IL1RAPL1: variants seen among roughly 807,000 people sequenced by gnomAD.
IL1RAPL1 encodes interleukin 1 receptor accessory protein like 1.
A neutral mutation model predicts 48.4 loss-of-function variants in IL1RAPL1; 3 were observed. The observed-to-expected ratio is 0.06, with a 90% CI of 0.03 to 0.16. The LOEUF is 0.16. Among genes scored for constraint, IL1RAPL1 ranks in the 10% least tolerant of loss-of-function variants. The probability of loss-of-function intolerance (pLI) is 1.00; values close to 1 mark genes in which losing one functional copy is unlikely to be tolerated. For missense variants in IL1RAPL1, 349 were observed against 530.6 expected (o/e 0.66, Z 3.36); for synonymous variants, 185 against 187.7 (o/e 0.99, Z 0.12).
chrX:29,318,875 T>C (rs1932780086), intron 3 of IL1RAPL1, among the ~76,000 whole-genome samples: 1 of 111,925 alleles, frequency 8.9e-6, no homozygotes, highest in African/African-American at 3.2e-5. Context: ...TTAAAAAATA[T>C]TTTCAGGGAA....
At chrX:28,952,291 G>T (rs1924490676) in intron 2 of IL1RAPL1, among the ~76,000 whole-genome samples, 1 of 110,779 alleles carries the variant, frequency 9.0e-6, no homozygotes, top group Admixed American at 9.7e-5. Context: ...TAAAAACAAA[G>T]AATTTAAGGA....
At chrX:29,085,182 A>G (rs1371325011) in intron 2 of IL1RAPL1, among the ~76,000 whole-genome samples, 1 of 111,733 alleles carries the variant, frequency 8.9e-6, no homozygotes, top group Non-Finnish European at 1.9e-5. Flanking sequence ...ATAAAGTATA[A>G]TATTATATTC....
intron 5 of IL1RAPL1, among the ~76,000 whole-genome samples, chrX:29,494,043 C>T (rs1935187425): frequency 9.1e-6 from 1 of 110,349 alleles, no homozygotes; most frequent in Non-Finnish European, 1.9e-5. Flanking sequence ...TACAGGCACG[C>T]ACCATCAGGC....
At chrX:29,783,040 G>T (rs78630332) in intron 6 of IL1RAPL1, among the ~76,000 whole-genome samples, 3 of 105,025 alleles carry the variant, frequency 2.9e-5, no homozygotes, top group Non-Finnish European at 5.9e-5. Context: ...AAGTAGCTGG[G>T]ACTACAGGCG....
intron 2 of IL1RAPL1, among the ~76,000 whole-genome samples, chrX:29,210,865 C>A (rs936464642): frequency 9.8e-5 from 11 of 112,135 alleles, no homozygotes; most frequent in Non-Finnish European, 2.1e-4. Context: ...TGTTTTTCTT[C>A]AGCTCTATAT....
At chrX:28,703,281 C>T (rs992223409) in intron 1 of IL1RAPL1, among the ~76,000 whole-genome samples, 16 of 111,094 alleles carry the variant, frequency 1.4e-4, no homozygotes, top group African/African-American at 4.6e-4. Flanking sequence ...ATTTCTGGAG[C>T]GAATCCATGT....
At chrX:29,493,404 C>T (rs757265846) in intron 5 of IL1RAPL1, among the ~76,000 whole-genome samples, 23 of 112,118 alleles carry the variant, frequency 2.1e-4, no homozygotes, top group South Asian at 3.7e-4. Flanking sequence ...AATGTAAATA[C>T]GATTTATTTA....
At chrX:28,635,457 A>T (rs1203027134) in intron 1 of IL1RAPL1, among the ~76,000 whole-genome samples, 1 of 111,914 alleles carries the variant, frequency 8.9e-6, no homozygotes, top group Non-Finnish European at 1.9e-5. Context: ...GTACCCATAC[A>T]ACCATTCTAT....
chrX:29,547,409 C>A (rs1381826755), intron 5 of IL1RAPL1, among the ~76,000 whole-genome samples: 1 of 110,733 alleles, frequency 9.0e-6, no homozygotes, highest in African/African-American at 3.3e-5. Context: ...ACAATGAGAA[C>A]CTCATTGATG....
intron 6 of IL1RAPL1, among the ~76,000 whole-genome samples, chrX:29,730,400 T>C (rs1318101821): frequency 8.9e-6 from 1 of 112,187 alleles, no homozygotes; most frequent in Non-Finnish European, 1.9e-5. Context: ...ACTAAGCAAC[T>C]TATTTCTATT....
At chrX:28,913,556 T>TA (rs2147333323) in intron 2 of IL1RAPL1, among the ~76,000 whole-genome samples, 1 of 110,846 alleles carries the variant, frequency 9.0e-6, no homozygotes, top group South Asian at 3.8e-4. Flanking sequence ...GAATACAAAA[T>TA]AAAAAATAAT....
chrX:29,692,691 C>T (rs1926805190), intron 6 of IL1RAPL1, among the ~76,000 whole-genome samples: 1 of 111,858 alleles, frequency 8.9e-6, no homozygotes, highest in South Asian at 3.7e-4. Context: ...TTTCTCTCTA[C>T]ATAATCTTTA....
chrX:28,699,681 C>T (rs1461467070), intron 1 of IL1RAPL1, among the ~76,000 whole-genome samples: 1 of 111,561 alleles, frequency 9.0e-6, no homozygotes, highest in Non-Finnish European at 1.9e-5. Flanking sequence ...GAAGCCTCAT[C>T]GTTGGAGAAG....
Position 29,141,745 on chromosome X carries a change from G to A in IL1RAPL1, c.83-141193G>A, listed in dbSNP as rs975545949. Among the ~76,000 whole-genome samples, 11 of 111,736 alleles carry A rather than the reference G, an allele frequency of 9.8e-5. No individual in the cohort carries two copies. In the South Asian group the frequency reaches 2.6e-3, roughly 26 times the overall value. On this transcript the variant is annotated intron_variant, in intron 2 of 10. Coordinates refer to ENST00000378993, the MANE Select transcript of IL1RAPL1 (RefSeq NM_014271.4). The stretch of plus-strand genomic sequence containing the variant: ...TTACTCTAGGGTTCTTTTTGTAAAT[G>A]TTCCATAGTTCTTTAGCAGTGAACT...
intron 2 of IL1RAPL1, among the ~76,000 whole-genome samples, chrX:29,198,874 C>T (rs190048589): frequency 9.0e-6 from 1 of 111,306 alleles, no homozygotes; most frequent in Admixed American, 9.6e-5. Context: ...CTTTAATAAC[C>T]ATTAAAATGG....
chrX:29,659,548 AT>A (rs1029210644), intron 5 of IL1RAPL1, among the ~76,000 whole-genome samples: 2 of 111,817 alleles, frequency 1.8e-5, no homozygotes. Context: ...AACATTTGTT[AT>A]TTTTTGTCTT....
At chrX:29,786,529 A>G (rs184261026) in intron 6 of IL1RAPL1, among the ~76,000 whole-genome samples, 3 of 112,140 alleles carry the variant, frequency 2.7e-5, no homozygotes, top group African/African-American at 9.7e-5. Flanking sequence ...TAACCAAAAT[A>G]AAATGGAAAG....
At chrX:29,073,895 A>C (rs1927617592) in intron 2 of IL1RAPL1, among the ~76,000 whole-genome samples, 1 of 111,781 alleles carries the variant, frequency 8.9e-6, no homozygotes, top group Admixed American at 9.6e-5. Flanking sequence ...CTAAAGCCAC[A>C]AAACTAGTTG....
intron 5 of IL1RAPL1, among the ~76,000 whole-genome samples, chrX:29,610,231 GA>G (rs1924044822): frequency 9.0e-6 from 1 of 111,669 alleles, no homozygotes; most frequent in Non-Finnish European, 1.9e-5. Flanking sequence ...CAATGAGAGA[GA>G]ATAACTTAGA....
Sources: allele counts gnomAD v4.1 joint callset (sites outside exome capture counted in the v4.1 genomes callset), GRCh38; gene constraint gnomAD v4.1.1; transcripts MANE v1.5; gene names NCBI Gene and HGNC (gene_info 2026-07-23, HGNC 2026-07-21).